BCL2L14: variants seen among roughly 807,000 people sequenced by gnomAD.
BCL2L14 encodes the protein BCL2 like 14, also known as apoptosis facilitator Bcl-2-like protein 14.
Under a neutral mutation model 35.3 loss-of-function variants are expected in BCL2L14, and 27 were observed. That is an observed-to-expected ratio of 0.76 (90% confidence interval 0.56 to 1.05). The LOEUF (loss-of-function observed/expected upper bound fraction) is 1.05. Ranked by LOEUF, BCL2L14 falls within the 50% of genes least tolerant of loss-of-function variation. BCL2L14 has a pLI of 0.00. For missense variants in BCL2L14, 377 were observed against 382.6 expected (o/e 0.99, Z 0.12); for synonymous variants, 139 against 145.9 (o/e 0.95, Z 0.34).
At chr12:12,087,531 T>C in intron 3 of BCL2L14, 145 bp downstream of exon 3, 1 of 930,230 alleles carries the variant, frequency 1.1e-6, no homozygotes, top group Non-Finnish European at 1.6e-6. Context: ...GGCAATGAGC[T>C]CCAGCTTGAG....
chr12:12,052,119 G>A (rs1330332974), intron 2 of BCL2L14, among the ~76,000 whole-genome samples: 3 of 151,942 alleles, frequency 2.0e-5, no homozygotes, highest in African/African-American at 4.8e-5. Context: ...TTAACAAGTA[G>A]TAATAATACA....
At chr12:12,063,899 C>T (rs760774009) in intron 2 of BCL2L14, among the ~76,000 whole-genome samples, 1 of 151,996 alleles carries the variant, frequency 6.6e-6, no homozygotes, top group Non-Finnish European at 1.5e-5. Context: ...GACCCCCACT[C>T]GTGCCCGCCA....
intron 2 of BCL2L14, among the ~76,000 whole-genome samples, chr12:12,081,897 T>A (rs1046719470): frequency 6.6e-6 from 1 of 152,050 alleles, no homozygotes; most frequent in African/African-American, 2.4e-5. Context: ...TCCTGCTGAG[T>A]TTCATTGGCC....
chr12:12,060,122 T>C (rs551862969), intron 2 of BCL2L14, among the ~76,000 whole-genome samples: 100 of 151,564 alleles, frequency 6.6e-4, no homozygotes, highest in Non-Finnish European at 1.0e-3. Context: ...CCTCAGCCTC[T>C]GCTCCTCCAC....
At chr12:12,066,337 T>C (rs747742217), upstream of BCL2L14, among the ~76,000 whole-genome samples, 36 of 152,192 alleles carry the variant, frequency 2.4e-4, no homozygotes, top group Non-Finnish European at 5.1e-4. Context: ...CAAGGATAAA[T>C]GTCAAACCCC....
At position 12,079,551 on chromosome 12, in the gene BCL2L14, G is replaced by A. The variant is rs1376343177; in HGVS notation, c.246G>A (p.Lys82=). The stretch of plus-strand genomic sequence containing the variant: ...GCAGAAATTCCCAATCCAGTGAGAA[G>A]GCCATAAACCTTGGCAAGAAAAAGT... ...WPCRNSQSSE[K]AINLGKKKSS... is the part of the protein sequence containing the mutation. The change falls in exon 2 of 6, where the codon AAG becomes AAA. Residue 82 remains lysine (K), a synonymous_variant. Coordinates refer to ENST00000308721, the MANE Select transcript of BCL2L14 (RefSeq NM_138723.2). 2 of 1,614,098 alleles carry A rather than the reference G, an allele frequency of 1.2e-6. No homozygotes were observed. The highest frequency in any genetic ancestry group is 2.2e-5 in the East Asian group (1 of 44,902).
At chr12:12,061,710 A>G (rs1035119326) in intron 2 of BCL2L14, among the ~76,000 whole-genome samples, 18 of 152,218 alleles carry the variant, frequency 1.2e-4, no homozygotes, top group Middle Eastern at 3.4e-3. Flanking sequence ...TGACCCTGAC[A>G]CCCATCAGGC....
At position 12,080,338 on chromosome 12, in the gene BCL2L14, A is replaced by C. The variant is rs529869462; in HGVS notation, c.433+600A>C. ...TACCAGACACCAATATAAAAGAAGG[A>C]GGCTAGGCGCAGTGGCTCATGCCTG... is the stretch of plus-strand genomic sequence containing the variant. On this transcript the variant is annotated intron_variant, in intron 2 of 5. Coordinates refer to ENST00000308721, the MANE Select transcript of BCL2L14 (RefSeq NM_138723.2). Among the ~76,000 whole-genome samples the C allele has an allele frequency of 1.3e-3, 196 of 149,814 alleles. 1 individual carries two copies. The highest frequency in any genetic ancestry group is 4.6e-3 in the African/African-American group (186 of 40,796).
intron 2 of BCL2L14, among the ~76,000 whole-genome samples, chr12:12,083,123 C>T (rs1948964463): frequency 1.3e-5 from 2 of 152,128 alleles, no homozygotes; most frequent in Admixed American, 6.6e-5. Context: ...CACCACCACG[C>T]CCGGCTAATT....
chr12:12,088,978 C>T lies in BCL2L14; in HGVS notation c.607+1592C>T, dbSNP rs138348780. ...CAAGCTAAAGCTAAGATGACCTCAT[C>T]CTCTGTGCACAGGAGAAATACAGGC... On this transcript the variant is annotated intron_variant, in intron 3 of 5. Transcript: ENST00000308721. 3.2e-4 allele frequency among the ~76,000 whole-genome samples: 48 copies of T among 152,358 alleles called. 1 individual carries two copies. In the East Asian group the frequency reaches 9.1e-3, roughly 29 times the overall value.
At chr12:12,078,927 G>A (rs1948844524) in intron 1 of BCL2L14, among the ~76,000 whole-genome samples, 1 of 152,202 alleles carries the variant, frequency 6.6e-6, no homozygotes, top group Non-Finnish European at 1.5e-5. Flanking sequence ...CTCCCAAGTA[G>A]CCGGGTCTAC....
intron 5 of BCL2L14, among the ~76,000 whole-genome samples, chr12:12,097,466 A>G (rs918657581): frequency 6.6e-6 from 1 of 152,248 alleles, no homozygotes; most frequent in African/African-American, 2.4e-5. Context: ...TTCCATGTAT[A>G]TGAAGTGTCC....
At chr12:12,072,130 G>A (rs962329357) in intron 1 of BCL2L14, 7 of 152,258 alleles carry the variant, frequency 4.6e-5, no homozygotes, top group African/African-American at 1.4e-4. Flanking sequence ...AGCGAACCAG[G>A]TGTCCAGCGT....
At position 12,094,817 on chromosome 12, in the gene BCL2L14, G is replaced by A. The variant is rs147550863; in HGVS notation, c.832G>A (p.Val278Ile). 33 of 1,614,180 alleles carry A rather than the reference G, an allele frequency of 2.0e-5. No individual in the cohort carries two copies. In the Middle Eastern group the frequency reaches 4.9e-4, roughly 24 times the overall value. ...CTTTAAGGCTGCCCTTGTAATAGACGTCACGGCCAAGCTCACAGCTATTGA... is the reference window on the plus strand; with the variant it reads ...CTTTAAGGCTGCCCTTGTAATAGACATCACGGCCAAGCTCACAGCTATTGA... ...QGFKAALVID[V>I]TAKLTAIDNH... The change falls in exon 5 of 6, where the codon GTC (valine) becomes ATC (isoleucine). Residue 278 changes from valine to isoleucine, a missense_variant. By Grantham distance (29) the Val-to-Ile change is conservative (BLOSUM62 3). Coordinates refer to ENST00000308721, the MANE Select transcript of BCL2L14 (RefSeq NM_138723.2).
chr12:12,079,513 G>A lies in BCL2L14; in HGVS notation c.208G>A (p.Val70Met). The A allele has an allele frequency of 1.9e-6, 3 of 1,614,222 alleles. No homozygotes were observed. The highest frequency in any genetic ancestry group is 1.6e-4 in the Middle Eastern group (1 of 6,062). ...NCSANESWTE[V>M]SWPCRNSQSS... ...TTCAGCAAATGAGTCATGGACAGAG[G>A]TGTCATGGCCTTGCAGAAATTCCCA... The change falls in exon 2 of 6, where the codon GTG (valine) becomes ATG (methionine). Residue 70 changes from valine (V) to methionine (M), a missense_variant. Coordinates refer to ENST00000308721, the MANE Select transcript of BCL2L14 (RefSeq NM_138723.2).
intron 2 of BCL2L14, among the ~76,000 whole-genome samples, chr12:12,059,924 T>C (rs563684908): frequency 7.2e-4 from 110 of 152,286 alleles, no homozygotes; most frequent in East Asian, 2.1e-3. Context: ...TGTCCAGGCA[T>C]TCTTTTACAC....
intron 2 of BCL2L14, among the ~76,000 whole-genome samples, chr12:12,062,708 G>A (rs868632049): frequency 5.9e-5 from 9 of 151,988 alleles, no homozygotes; most frequent in Admixed American, 3.3e-4. Flanking sequence ...CAGGGTCTGA[G>A]AAGGCCACCG....
chr12:12,079,505 G>GA lies in BCL2L14; in HGVS notation c.200_201insA (p.Trp67Ter). The GA allele has an allele frequency of 6.2e-7, 1 of 1,614,228 alleles. No individual in the cohort carries two copies. Among genetic ancestry groups the GA allele is most frequent in the Non-Finnish European group, 8.5e-7 (1 of 1,180,038 alleles). Residue 67 changes from tryptophan (W) to a stop codon, truncating the protein, a stop_gained and frameshift_variant, in exon 2 of 6, where the codon TGG becomes TGAG. Coordinates refer to ENST00000308721, the MANE Select transcript of BCL2L14 (RefSeq NM_138723.2). LOFTEE classifies it high-confidence loss of function. ...GLGNCSANES[W>*]TEVSWPCRNS... ...GGGAATTGTTCAGCAAATGAGTCAT[G>GA]GACAGAGGTGTCATGGCCTTGCAGA...
chr12:12,060,104 C>T (rs1415207408), intron 2 of BCL2L14, among the ~76,000 whole-genome samples: 1 of 151,446 alleles, frequency 6.6e-6, no homozygotes, highest in East Asian at 2.0e-4. Flanking sequence ...AGCTAGGTCG[C>T]AATTCTTCCT....
Sources: gnomAD v4.1 joint callset for allele counts (sites outside exome capture counted in the v4.1 genomes callset) on GRCh38, gnomAD v4.1.1 for gene constraint, MANE v1.5 for transcripts, NCBI Gene and HGNC (gene_info 2026-07-23, HGNC 2026-07-21) for gene names.